The following RPH3A variants were observed in gnomAD, a reference collection of about 807,000 sequenced individuals.
RPH3A encodes rabphilin 3A.
Under a neutral mutation model 102.2 loss-of-function variants are expected in RPH3A, and 48 were observed. The ratio of observed to expected loss-of-function variants is 0.47; its 90% CI spans 0.37 to 0.60. RPH3A has a LOEUF of 0.60. Among genes scored for constraint, RPH3A ranks in the 20% least tolerant of loss-of-function variants. The probability of loss-of-function intolerance (pLI) is 0.00; values close to 1 mark genes in which losing one functional copy is unlikely to be tolerated. For synonymous variants in RPH3A, 310 were observed against 324.3 expected (o/e 0.96, Z 0.47); for missense variants, 781 against 910.1 (o/e 0.86, Z 1.83).
intron 1 of RPH3A, among the ~76,000 whole-genome samples, chr12:112,694,100 G>C (rs937661609): frequency 1.3e-4 from 20 of 152,318 alleles, no homozygotes; most frequent in Middle Eastern, 3.4e-3. Flanking sequence ...CCCTCTCAGC[G>C]CTGCCGCTGC....
At chr12:112,642,102 C>T (rs754366244) in intron 1 of RPH3A, among the ~76,000 whole-genome samples, 1 of 152,298 alleles carries the variant, frequency 6.6e-6, no homozygotes, top group East Asian at 1.9e-4. Flanking sequence ...AAGAACAAGA[C>T]AGCATTGTTC....
intron 1 of RPH3A, among the ~76,000 whole-genome samples, chr12:112,784,853 T>C (rs1358442938): frequency 3.3e-5 from 5 of 152,252 alleles, no homozygotes; most frequent in Admixed American, 6.5e-5. Flanking sequence ...CGAAAGGTTC[T>C]ACATGCTTAC....
At chr12:112,654,759 T>C (rs1050049036) in intron 1 of RPH3A, among the ~76,000 whole-genome samples, 11 of 152,210 alleles carry the variant, frequency 7.2e-5, no homozygotes, top group Non-Finnish European at 4.4e-5. Flanking sequence ...TATCCTCAGA[T>C]GGTAGGTCTT....
At chr12:112,713,102 T>TCTTCTTCTTCTTCTCCTTCTTC (rs575141531) in intron 1 of RPH3A, among the ~76,000 whole-genome samples, 1 of 135,552 alleles carries the variant, frequency 7.4e-6, no homozygotes, top group Non-Finnish European at 1.6e-5. Context: ...TTCTTCTTCT[T>TCTTCTTCTTCTTCTCCTTCTTC]TTATTTTTTT....
At chr12:112,613,721 G>C (rs531125814) in intron 1 of RPH3A, among the ~76,000 whole-genome samples, 38 of 152,164 alleles carry the variant, frequency 2.5e-4, no homozygotes, top group South Asian at 8.3e-4. Context: ...TCTGATGGGG[G>C]AGGATCTTTT....
At chr12:112,870,630 C>T (rs752904831) in intron 10 of RPH3A, among the ~76,000 whole-genome samples, 6 of 152,198 alleles carry the variant, frequency 3.9e-5, no homozygotes, top group East Asian at 1.9e-4. Context: ...GACCTCAAAG[C>T]GGCTTCATTT....
At chr12:112,847,651 T>G (rs1284033680) in intron 4 of RPH3A, 45 bp from the exon 5 acceptor site, 2 of 1,592,810 alleles carry the variant, frequency 1.3e-6, no homozygotes, top group Admixed American at 3.5e-5. Flanking sequence ...GAATTTGAAC[T>G]ACTATTTTCT....
At chr12:112,667,856 C>T (rs911300416) in intron 1 of RPH3A, among the ~76,000 whole-genome samples, 13 of 152,124 alleles carry the variant, frequency 8.5e-5, no homozygotes, top group African/African-American at 2.7e-4. Flanking sequence ...CCTCATTCTC[C>T]TGCTTCATCT....
chr12:112,613,736 CTA>C (rs923077672), intron 1 of RPH3A, among the ~76,000 whole-genome samples: 5 of 152,014 alleles, frequency 3.3e-5, no homozygotes, highest in Admixed American at 3.3e-4. Context: ...TCTTTTGGGC[CTA>C]TGAGTTCAAG....
chr12:112,883,509 A>G (rs1487990383), intron 16 of RPH3A, 107 bp downstream of exon 16: 2 of 715,310 alleles, frequency 2.8e-6, no homozygotes, highest in African/African-American at 1.8e-5. Context: ...AAAGATCTCT[A>G]CATAGTTTAT....
At chr12:112,774,069 A>AAAAAAAAAAAAAG (rs2040947276) in intron 1 of RPH3A, among the ~76,000 whole-genome samples, 1 of 151,032 alleles carries the variant, frequency 6.6e-6, no homozygotes, top group African/African-American at 2.4e-5. Context: ...TGGGCAAAAA[A>AAAAAAAAAAAAAG]AAAAAAAAGA....
chr12:112,723,288 T>A (rs1362452978), intron 1 of RPH3A, among the ~76,000 whole-genome samples: 1 of 152,188 alleles, frequency 6.6e-6, no homozygotes, highest in Non-Finnish European at 1.5e-5. Context: ...TGACACATAT[T>A]TTGTATATGA....
intron 1 of RPH3A, among the ~76,000 whole-genome samples, chr12:112,594,113 C>T (rs1311876956): frequency 6.6e-6 from 1 of 152,168 alleles, no homozygotes; most frequent in African/African-American, 2.4e-5. Context: ...TCGGTACTGC[C>T]TCTAATCAGT....
intron 1 of RPH3A, among the ~76,000 whole-genome samples, chr12:112,779,584 T>A (rs561051564): frequency 6.6e-6 from 1 of 152,296 alleles, no homozygotes; most frequent in Non-Finnish European, 1.5e-5. Flanking sequence ...CATCACCCCC[T>A]TCCATTGTAC....
At chr12:112,738,567 A>G (rs932152857) in intron 1 of RPH3A, among the ~76,000 whole-genome samples, 2 of 152,162 alleles carry the variant, frequency 1.3e-5, no homozygotes, top group Admixed American at 1.3e-4. Flanking sequence ...AGATGGTTCT[A>G]TTCTCTGCCA....
rs199724124 is a variant in RPH3A at position 112,865,473 on chromosome 12, G to A, written c.290G>A (p.Arg97His). 3.3e-5 allele frequency: 53 copies of A among 1,614,064 alleles called. No homozygotes were observed. Among genetic ancestry groups the A allele is most frequent in the Non-Finnish European group, 4.3e-5 (51 of 1,179,992 alleles). ...AACGTGGCTGGAGATGGGGTGAACC[G>A]CTGCATACTGTGTGGAGAACAGCTG... ...RKNVAGDGVNRCILCGEQLGM... is the reference protein window; with the variant it reads ...RKNVAGDGVNHCILCGEQLGM... Residue 97 changes from arginine (R) to histidine (H), a missense_variant, in exon 6 of 22, where the codon CGC (arginine) becomes CAC (histidine). Physicochemically the swap from Arg to His is conservative, Grantham distance 29. Around this residue, in one of 2 missense-constraint regions of RPH3A, gnomAD observed 730 missense variants for 810.0 expected, o/e 0.90. Transcript: ENST00000389385.
intron 1 of RPH3A, among the ~76,000 whole-genome samples, chr12:112,685,961 T>A (rs1166138031): frequency 1.3e-5 from 2 of 152,200 alleles, no homozygotes; most frequent in Non-Finnish European, 2.9e-5. Context: ...AGGCCGTTAT[T>A]TTCTCCAGGG....
chr12:112,647,390 A>T (rs561992803), intron 1 of RPH3A, among the ~76,000 whole-genome samples: 128 of 152,186 alleles, frequency 8.4e-4, no homozygotes, highest in Non-Finnish European at 1.7e-3. Context: ...TAAGATGGTT[A>T]TATTTTGGGG....
intron 1 of RPH3A, among the ~76,000 whole-genome samples, chr12:112,614,805 G>A (rs537627887): frequency 3.4e-4 from 51 of 150,620 alleles, no homozygotes; most frequent in Non-Finnish European, 5.9e-4. Context: ...TATCTTTAGA[G>A]TTGGAGTCTT....
Sources: gnomAD v4.1 joint callset for allele counts (sites outside exome capture counted in the v4.1 genomes callset) on GRCh38, gnomAD v4.1.1 for gene constraint, gnomAD v4.1.1 regional missense constraint, MANE v1.5 for transcripts, NCBI Gene and HGNC (gene_info 2026-07-23, HGNC 2026-07-21) for gene names.